Variants in VPS13B observed in about 807,000 individuals in gnomAD.
VPS13B encodes the protein vacuolar protein sorting 13 homolog B, also known as intermembrane lipid transfer protein VPS13B.
Under a neutral mutation model 426.4 loss-of-function variants are expected in VPS13B, and 285 were observed. The observed-to-expected ratio is 0.67, with a 90% CI of 0.61 to 0.74. The LOEUF (loss-of-function observed/expected upper bound fraction) is 0.74, where lower values mean the gene tolerates loss of function less well. Ranked by LOEUF, VPS13B falls within the 30% of genes least tolerant of loss-of-function variation. The pLI, the probability that VPS13B is intolerant of heterozygous loss-of-function variation, is 0.00. For missense variants in VPS13B, 4,537 were observed against 4,782.6 expected, an observed-to-expected ratio of 0.95 and a Z score of 1.51; for synonymous variants, 1,676 against 1,676.4, an observed-to-expected ratio of 1.00 and a Z score of 0.01.
rs1588434973 is a variant in VPS13B at position 99,493,094 on chromosome 8, A to G, written c.3871-8593A>G. On this transcript the variant is annotated intron_variant, in intron 25 of 61. Coordinates refer to ENST00000357162, the MANE Select transcript of VPS13B (RefSeq NM_152564.5). ...TTGATTTTCACATGTTCAACTGACC[A>G]TGCATTTCTAGAAAAATCCCAGTTT... Among the ~76,000 whole-genome samples the G allele has an allele frequency of 2.6e-5, 4 of 152,310 alleles. No individual in the cohort carries two copies. In the East Asian group the frequency reaches 7.7e-4, roughly 29 times the overall value.
chr8:99,783,342 A>G (rs1015568146), intron 42 of VPS13B, among the ~76,000 whole-genome samples: 1 of 152,196 alleles, frequency 6.6e-6, no homozygotes, highest in Non-Finnish European at 1.5e-5. Flanking sequence ...CATCAGTTAC[A>G]TGTTATCTCC....
chr8:99,692,456 C>T (rs1214763256), intron 35 of VPS13B, among the ~76,000 whole-genome samples: 4 of 146,416 alleles, frequency 2.7e-5, no homozygotes, highest in Admixed American at 6.8e-5. Context: ...GGGTACATAA[C>T]GAAATGAAGG....
At chr8:99,870,925 T>C (rs933298217) in intron 60 of VPS13B, 38 bp downstream of exon 60, 3 of 1,588,906 alleles carry the variant, frequency 1.9e-6, no homozygotes, top group Non-Finnish European at 1.7e-6. Flanking sequence ...TTTACATCCA[T>C]ATTGTATGTT....
At chr8:99,604,706 G>A (rs1827491978) in intron 33 of VPS13B, among the ~76,000 whole-genome samples, 1 of 151,830 alleles carries the variant, frequency 6.6e-6, no homozygotes, top group Non-Finnish European at 1.5e-5. Context: ...GTTTCACAGT[G>A]GTCTCGATCT....
chr8:99,499,055 A>G (rs10504991), intron 25 of VPS13B, among the ~76,000 whole-genome samples: 9,364 of 152,204 alleles, frequency 0.062, 398 homozygotes, highest in African/African-American at 0.11. Flanking sequence ...TGCTCTTCCA[A>G]ATAAACAAAG....
At chr8:99,307,004 C>T (rs1177524927) in intron 19 of VPS13B, among the ~76,000 whole-genome samples, 1 of 151,984 alleles carries the variant, frequency 6.6e-6, no homozygotes, top group South Asian at 2.1e-4. Flanking sequence ...TTAATTAACT[C>T]GATTAAACAA....
At chr8:99,681,614 G>A (rs1831157497) in intron 35 of VPS13B, among the ~76,000 whole-genome samples, 1 of 152,262 alleles carries the variant, frequency 6.6e-6, no homozygotes, top group South Asian at 2.1e-4. Context: ...TCTGCAGTGA[G>A]CTAGGATAGT....
intron 51 of VPS13B, among the ~76,000 whole-genome samples, chr8:99,828,288 C>T (rs1814812570): frequency 6.6e-6 from 1 of 151,308 alleles, no homozygotes; most frequent in Non-Finnish European, 1.5e-5. Context: ...GGATAGTTAG[C>T]TCTACTTACA....
chr8:99,397,386 G>T (rs982161699), intron 21 of VPS13B, among the ~76,000 whole-genome samples: 1 of 152,086 alleles, frequency 6.6e-6, no homozygotes, highest in Non-Finnish European at 1.5e-5. Context: ...CTCGTGATCT[G>T]CCCGCCTCGG....
intron 21 of VPS13B, among the ~76,000 whole-genome samples, chr8:99,404,915 G>A (rs774317010): frequency 1.3e-5 from 2 of 152,198 alleles, no homozygotes; most frequent in Non-Finnish European, 2.9e-5. Context: ...TTCAGAAGGT[G>A]AAGATCATAT....
intron 29 of VPS13B, among the ~76,000 whole-genome samples, chr8:99,513,971 T>C (rs1821925083): frequency 6.6e-6 from 1 of 152,214 alleles, no homozygotes; most frequent in Non-Finnish European, 1.5e-5. Flanking sequence ...CTTATCTATC[T>C]GATGTCCTGA....
chr8:99,852,977 G>A (rs1414626021), intron 55 of VPS13B, among the ~76,000 whole-genome samples: 1 of 152,122 alleles, frequency 6.6e-6, no homozygotes, highest in East Asian at 1.9e-4. Flanking sequence ...CAGAAGCAAG[G>A]GTGGTTCCGC....
chr8:99,646,897 A>G lies in VPS13B; in HGVS notation c.5908+4399A>G, dbSNP rs140990499. 6.2e-3 allele frequency among the ~76,000 whole-genome samples: 946 copies of G among 152,256 alleles called. 6 individuals are homozygous for G. The highest frequency in any genetic ancestry group is 0.021 in the African/African-American group (888 of 41,554). On this transcript the variant is annotated intron_variant, in intron 34 of 61. Coordinates refer to ENST00000357162, the MANE Select transcript of VPS13B (RefSeq NM_152564.5). ...GATCATAGCTTCCTGAGACCTCACT[A>G]GAAGCCAAGCAGATGTTAGTGCAGT...
At chr8:99,089,358 A>G (rs1284597693) in intron 3 of VPS13B, among the ~76,000 whole-genome samples, 1 of 152,128 alleles carries the variant, frequency 6.6e-6, no homozygotes, top group African/African-American at 2.4e-5. Flanking sequence ...ACAAGTCTCA[A>G]TTTAGAAGTT....
At chr8:99,016,626 C>T (rs563233877) in intron 2 of VPS13B, among the ~76,000 whole-genome samples, 1 of 118,562 alleles carries the variant, frequency 8.4e-6, no homozygotes, top group South Asian at 2.8e-4. Context: ...GAGTCTCGCT[C>T]TGTTGCCCAG....
intron 8 of VPS13B, among the ~76,000 whole-genome samples, chr8:99,126,607 A>C (rs1211868821): frequency 3.3e-5 from 5 of 152,240 alleles, no homozygotes; most frequent in Non-Finnish European, 7.3e-5. Context: ...GACTGAATCC[A>C]AAATTAAATC....
chr8:99,096,813 A>T (rs1256357789), intron 4 of VPS13B, among the ~76,000 whole-genome samples: 2 of 151,904 alleles, frequency 1.3e-5, no homozygotes, highest in Non-Finnish European at 2.9e-5. Flanking sequence ...ATATATTTTT[A>T]GTATCATAAA....
intron 43 of VPS13B, among the ~76,000 whole-genome samples, chr8:99,786,304 T>C (rs1308785797): frequency 6.6e-6 from 1 of 152,190 alleles, no homozygotes; most frequent in African/African-American, 2.4e-5. Context: ...TGCAGTATTA[T>C]TTGTTATGCA....
intron 5 of VPS13B, among the ~76,000 whole-genome samples, chr8:99,107,533 CTT>C (rs1847113305): frequency 6.6e-6 from 1 of 151,864 alleles, no homozygotes; most frequent in Non-Finnish European, 1.5e-5. Context: ...ATTTCCAAGA[CTT>C]TTATTTCAGT....
Sources: allele counts gnomAD v4.1 joint callset (sites outside exome capture counted in the v4.1 genomes callset), GRCh38; gene constraint gnomAD v4.1.1; transcripts MANE v1.5; gene names NCBI Gene and HGNC (gene_info 2026-07-23, HGNC 2026-07-21).